Variants in SUGCT observed in about 807,000 individuals in gnomAD.
SUGCT encodes succinyl-CoA:glutarate-CoA transferase.
SUGCT carries 41 observed loss-of-function variants against 55.0 expected under a neutral mutation model. That is an observed-to-expected ratio of 0.74 (90% CI 0.58 to 0.97). The LOEUF is 0.97. Among genes scored for constraint, SUGCT ranks in the 50% least tolerant of loss-of-function variants. The pLI is 0.00. For synonymous variants in SUGCT, 187 were observed against 200.4 expected (o/e 0.93, Z 0.56); for missense variants, 568 against 547.8 (o/e 1.04, Z -0.37).
chr7:40,625,236 A>G (rs1799472164), intron 12 of SUGCT, among the ~76,000 whole-genome samples: 1 of 152,046 alleles, frequency 6.6e-6, no homozygotes, highest in African/African-American at 2.4e-5. Context: ...GCTGACCTAG[A>G]CGTGGAACTC....
rs548608514 is a variant in SUGCT at position 40,562,700 on chromosome 7, A to G, written c.1089+66314A>G. Reference sequence around the variant, plus strand: ...CTAAATCGTTACAGTGGGATTTAGAAGGTTCTCCTGTTTAGGTCTGAGAGA... The same window carrying G: ...CTAAATCGTTACAGTGGGATTTAGAGGGTTCTCCTGTTTAGGTCTGAGAGA... On this transcript the variant is annotated intron_variant, in intron 12 of 13. Transcript: ENST00000335693. Among the ~76,000 whole-genome samples, 31 of 152,262 alleles carry G rather than the reference A, an allele frequency of 2.0e-4. No homozygotes were observed. The East Asian group carries it at 5.4e-3, about 27-fold the overall frequency.
chr7:40,706,993 C>T (rs1331847477), intron 12 of SUGCT, among the ~76,000 whole-genome samples: 10 of 152,150 alleles, frequency 6.6e-5, no homozygotes, highest in Non-Finnish European at 1.5e-4. Context: ...GAGAACTACC[C>T]ACCCTCATTG....
the SUGCT span, among the ~76,000 whole-genome samples, chr7:40,941,682 A>G: frequency 1.3e-5 from 2 of 152,178 alleles, no homozygotes; most frequent in African/African-American, 2.4e-5. Context: ...GTTCCTCATT[A>G]TAATTGTGCT....
chr7:40,246,799 A>C (rs931249171), intron 7 of SUGCT, among the ~76,000 whole-genome samples: 1 of 151,060 alleles, frequency 6.6e-6, no homozygotes, highest in Non-Finnish European at 1.5e-5. Context: ...AGGTTTTGCC[A>C]TGTTGGCCAG....
intron 9 of SUGCT, among the ~76,000 whole-genome samples, chr7:40,368,105 G>A (rs138667633): frequency 1.3e-3 from 192 of 152,258 alleles, no homozygotes; most frequent in Middle Eastern, 6.8e-3. Flanking sequence ...TGTCATCTCC[G>A]AAAGTCTTCC....
intron 6 of SUGCT, among the ~76,000 whole-genome samples, chr7:40,205,538 G>T (rs1389940930): frequency 2.0e-5 from 3 of 150,558 alleles, no homozygotes; most frequent in Non-Finnish European, 4.4e-5. Flanking sequence ...CTCCTTGGGA[G>T]GCTGAGGCGG....
intron 13 of SUGCT, among the ~76,000 whole-genome samples, chr7:40,764,528 A>G (rs1408553165): frequency 2.0e-5 from 3 of 152,164 alleles, no homozygotes; most frequent in African/African-American, 7.2e-5. Context: ...TTCAAAAAAA[A>G]TATAAATGGT....
chr7:40,625,465 A>C (rs1436414687), intron 12 of SUGCT, among the ~76,000 whole-genome samples: 1 of 150,068 alleles, frequency 6.7e-6, no homozygotes, highest in African/African-American at 2.5e-5. Context: ...GGCACCCCTC[A>C]CTCCCTCACC....
chr7:40,141,991 AATTGG>A (rs1788011382), intron 1 of SUGCT: 8 of 167,882 alleles, frequency 4.8e-5, no homozygotes, highest in Middle Eastern at 5.4e-3. Context: ...AACTAATTCC[AATTGG>A]CTAATTTAAA....
rs568895192 is a variant in SUGCT, at chr7:40,239,861, T to C, written c.576+2135T>C. ...ACTCTCACACTGTATTTCTTTCACA[T>C]GGACACATCTTTCATTCCTTAATTA... On this transcript the variant is annotated intron_variant, in intron 7 of 13. Transcript: ENST00000335693. 7.2e-5 allele frequency among the ~76,000 whole-genome samples: 11 copies of C among 152,350 alleles called. 1 individual carries two copies. In the South Asian group the frequency reaches 2.1e-3, roughly 29 times the overall value.
chr7:40,886,260 A>G, the SUGCT span, among the ~76,000 whole-genome samples: 2 of 152,074 alleles, frequency 1.3e-5, no homozygotes, highest in Non-Finnish European at 1.5e-5. Context: ...ATGGTACCCT[A>G]TCTCGTAGGT....
chr7:40,468,336 A>G (rs2151464982), intron 11 of SUGCT, among the ~76,000 whole-genome samples: 1 of 151,974 alleles, frequency 6.6e-6, no homozygotes, highest in Non-Finnish European at 1.5e-5. Context: ...TAATTTCCTT[A>G]TTTTTTATTT....
chr7:40,355,015 C>T (rs1035959580), intron 9 of SUGCT, among the ~76,000 whole-genome samples: 19 of 152,176 alleles, frequency 1.2e-4, no homozygotes, highest in African/African-American at 4.6e-4. Context: ...GAAATCGTAC[C>T]TCAGTCATTA....
chr7:40,962,243 C>T, the SUGCT span, among the ~76,000 whole-genome samples: 2 of 152,114 alleles, frequency 1.3e-5, no homozygotes, highest in Non-Finnish European at 2.9e-5. Context: ...TAGCTAGACA[C>T]AGAGCACTGG....
intron 11 of SUGCT, among the ~76,000 whole-genome samples, chr7:40,465,963 C>G (rs1362299251): frequency 6.6e-6 from 1 of 152,158 alleles, no homozygotes; most frequent in Non-Finnish European, 1.5e-5. Context: ...TTCACTTTAG[C>G]CTTGAATTCC....
intron 12 of SUGCT, among the ~76,000 whole-genome samples, chr7:40,638,336 G>T (rs1800110720): frequency 6.6e-6 from 1 of 151,794 alleles, no homozygotes. Context: ...ACTCTTATTT[G>T]CATTCTGAAA....
the SUGCT span, among the ~76,000 whole-genome samples, chr7:40,928,922 TTTTC>T: frequency 2.0e-5 from 3 of 152,058 alleles, no homozygotes; most frequent in South Asian, 6.2e-4. Context: ...TCCTTTTTCT[TTTTC>T]TTTCTTTCTT....
At chr7:40,152,450 A>G (rs965082011) in intron 1 of SUGCT, 12 of 179,650 alleles carry the variant, frequency 6.7e-5, no homozygotes, top group African/African-American at 2.6e-4. Context: ...CTTTGAGCAA[A>G]CAGCTGTGGA....
chr7:40,139,758 G>A (rs1787886499), intron 1 of SUGCT, among the ~76,000 whole-genome samples: 1 of 151,944 alleles, frequency 6.6e-6, no homozygotes, highest in Non-Finnish European at 1.5e-5. Flanking sequence ...GCCTATTTTT[G>A]TTTTTGTTGC....
Sources: allele counts gnomAD v4.1 joint callset (sites outside exome capture counted in the v4.1 genomes callset), GRCh38; gene constraint gnomAD v4.1.1; transcripts MANE v1.5; gene names NCBI Gene and HGNC (gene_info 2026-07-23, HGNC 2026-07-21).